Variants in SLC31A2 observed in about 807,000 individuals in gnomAD.
SLC31A2 encodes protein SLC31A2.
Under a neutral mutation model 14.4 loss-of-function variants are expected in SLC31A2, and 16 were observed. The ratio of observed to expected loss-of-function variants is 1.11; its 90% CI spans 0.75 to 1.69. The LOEUF is 1.69. Among genes scored for constraint, SLC31A2 ranks in the 40% most tolerant of loss-of-function variants. The probability of loss-of-function intolerance (pLI) is 0.00; values close to 1 mark genes in which losing one functional copy is unlikely to be tolerated. For synonymous variants in SLC31A2, 56 were observed against 68.7 expected, an observed-to-expected ratio of 0.82 and a Z score of 0.91; for missense variants, 140 against 173.9, an observed-to-expected ratio of 0.81 and a Z score of 1.10.
Position 113,151,529 on chromosome 9 carries a change from C to A in SLC31A2, c.6+449C>A. On this transcript the variant is annotated intron_variant, in intron 1 of 3. Transcript: ENST00000259392. The surrounding 1 kb of genome is among the most constrained non-coding windows in gnomAD (Gnocchi z 4.2). Reference sequence around the variant, plus strand: ...GCGCACACCGAGCGCACATCCCCGGCCCTGCTCTTGTCAAGTTTGTAGCCT... The same window carrying A: ...GCGCACACCGAGCGCACATCCCCGGACCTGCTCTTGTCAAGTTTGTAGCCT... The A allele has an allele frequency of 5.9e-6, 1 of 169,028 alleles. No homozygotes were observed. The highest frequency in any genetic ancestry group is 1.3e-5 in the Non-Finnish European group (1 of 79,552). 10.5% of individuals were successfully genotyped at this position (169,028 alleles called of 1,614,324 possible).
chr9:113,153,790 G>C (rs2118825177), intron 1 of SLC31A2, among the ~76,000 whole-genome samples: 1 of 152,314 alleles, frequency 6.6e-6, no homozygotes, highest in South Asian at 2.1e-4. Context: ...GGTAGGCGCA[G>C]GCAGGGGTTG....
At chr9:113,153,325 G>A (rs756567431) in intron 1 of SLC31A2, among the ~76,000 whole-genome samples, 7 of 151,922 alleles carry the variant, frequency 4.6e-5, no homozygotes, top group African/African-American at 1.2e-4. Context: ...TGATGTGACC[G>A]CCTAGATTTC....
chr9:113,162,628 A>G (rs1830032090), intron 3 of SLC31A2, 121 bp from the exon 4 acceptor site: 2 of 911,718 alleles, frequency 2.2e-6, no homozygotes, highest in East Asian at 5.2e-5. Flanking sequence ...TGGGTTAAGC[A>G]TACAAGTTAT....
chr9:113,158,649 A>G (rs1216709809), intron 2 of SLC31A2, among the ~76,000 whole-genome samples: 1 of 152,194 alleles, frequency 6.6e-6, no homozygotes, highest in Non-Finnish European at 1.5e-5. Context: ...TACATGTGGC[A>G]TCTCCTATGG....
chr9:113,156,540 GAT>G (rs1190869206), intron 1 of SLC31A2, among the ~76,000 whole-genome samples: 8 of 152,218 alleles, frequency 5.3e-5, no homozygotes, highest in Non-Finnish European at 1.0e-4. Context: ...GAGATTCAAG[GAT>G]TCTAATATTT....
intron 1 of SLC31A2, among the ~76,000 whole-genome samples, chr9:113,156,351 G>A (rs1316737301): frequency 2.0e-5 from 3 of 152,080 alleles, no homozygotes; most frequent in East Asian, 3.9e-4. Flanking sequence ...ACTCAAGTTG[G>A]GCCAGATCAG....
chr9:113,153,552 G>A (rs1252312179), intron 1 of SLC31A2, among the ~76,000 whole-genome samples: 4 of 152,202 alleles, frequency 2.6e-5, no homozygotes, highest in African/African-American at 9.7e-5. Flanking sequence ...TGACCATGGG[G>A]AGATAAGTGG....
intron 2 of SLC31A2, among the ~76,000 whole-genome samples, chr9:113,158,470 CTG>C (rs1162755374): frequency 1.8e-4 from 28 of 152,174 alleles, no homozygotes. Flanking sequence ...TCTCAAGGTT[CTG>C]TGAGTTGACT....
intron 3 of SLC31A2, 68 bp downstream of exon 3, chr9:113,161,766 A>G (rs1830017624): frequency 6.5e-7 from 1 of 1,542,872 alleles, no homozygotes; most frequent in African/African-American, 1.4e-5. Flanking sequence ...GCTGGCCCAG[A>G]CAGCATTAGC....
At chr9:113,160,433 T>A (rs962776690) in intron 2 of SLC31A2, among the ~76,000 whole-genome samples, 2 of 152,216 alleles carry the variant, frequency 1.3e-5, no homozygotes, top group Non-Finnish European at 2.9e-5. Flanking sequence ...ATATACAATA[T>A]GTAATGATCC....
intron 1 of SLC31A2, among the ~76,000 whole-genome samples, chr9:113,154,415 C>T (rs1829907939): frequency 1.3e-5 from 2 of 152,170 alleles, no homozygotes; most frequent in East Asian, 1.9e-4. Flanking sequence ...CTTTAGAGAC[C>T]GTGCCCCTAA....
Position 113,151,222 on chromosome 9 carries a change from C to G in SLC31A2, c.6+142C>G. On this transcript the variant is annotated intron_variant, in intron 1 of 3. Transcript: ENST00000259392. This position sits in a 1 kb window ranked among gnomAD's most constrained non-coding sequence, Gnocchi z 4.2. ...TTGGCAGCATTGCCAACAGCTGGAA[C>G]AGGGTTGGGGGACGCGGCAGGTATA... 1.1e-6 allele frequency: 1 copy of G among 885,622 alleles called. No individual in the cohort carries two copies. The highest frequency in any genetic ancestry group is 1.5e-6 in the Non-Finnish European group (1 of 657,526). 54.9% of individuals were successfully genotyped at this position (885,622 alleles called of 1,614,324 possible).
At chr9:113,161,840 A>T in intron 3 of SLC31A2, 142 bp downstream of exon 3, 5 of 875,588 alleles carry the variant, frequency 5.7e-6, no homozygotes, top group Non-Finnish European at 9.3e-6. Flanking sequence ...GTGGCTACAC[A>T]TAGCCAAGTG....
chr9:113,157,413 G>A lies in SLC31A2; in HGVS notation c.7-314G>A, dbSNP rs144279481. On this transcript the variant is annotated intron_variant, in intron 1 of 3. Coordinates refer to ENST00000259392, the MANE Select transcript of SLC31A2 (RefSeq NM_001860.3). ...AAGAAGAGGCAGTTGCACTTGGAAG[G>A]CATGGAGGGGACATCCCCACATAGT... Among the ~76,000 whole-genome samples the A allele has an allele frequency of 1.5e-3, 224 of 152,310 alleles. 3 individuals are homozygous for A. The highest frequency in any genetic ancestry group is 5.1e-3 in the African/African-American group (212 of 41,554).
rs957309959 is a variant in SLC31A2 at position 113,162,974 on chromosome 9, AC to A, written c.*58del. On this transcript the variant is annotated 3_prime_UTR_variant, in exon 4 of 4. Transcript: ENST00000259392. ...AGGGACATGGAGCCCCCTCTTCCAG[AC>A]ACTATACTTCCAACTGCCCTTTCTT... 5.8e-5 allele frequency: 84 copies of A among 1,449,806 alleles called. No individual in the cohort carries two copies. In the African/African-American group the frequency reaches 1.2e-3, roughly 20 times the overall value. 89.8% of individuals were successfully genotyped at this position (1,449,806 alleles called of 1,614,324 possible).
chr9:113,161,320 T>C, intron 2 of SLC31A2, 189 bp from the exon 3 acceptor site: 3 of 600,290 alleles, frequency 5.0e-6, no homozygotes, highest in East Asian at 2.9e-5. Context: ...CTTCTCTTCC[T>C]GATCTCAAAG....
At position 113,163,419 on chromosome 9, in the gene SLC31A2, T is replaced by G. The variant is rs1830048840; in HGVS notation, c.*502T>G. ...GATCCTTTTTCTCACCTTTCTGCCT[T>G]TGGAACACATGAAGATCATCTCGTC... On this transcript the variant is annotated 3_prime_UTR_variant, in exon 4 of 4. Coordinates refer to ENST00000259392, the MANE Select transcript of SLC31A2 (RefSeq NM_001860.3). The G allele has an allele frequency of 6.5e-6, 1 of 152,822 alleles. No homozygotes were observed. Among genetic ancestry groups the G allele is most frequent in the Non-Finnish European group, 1.5e-5 (1 of 68,170 alleles). 9.5% of individuals were successfully genotyped at this position (152,822 alleles called of 1,614,324 possible). A position where few individuals can be genotyped will look rare whatever the true frequency, so the allele number is the denominator to read the frequency against.
intron 3 of SLC31A2, 200 bp from the exon 4 acceptor site, chr9:113,162,549 G>C (rs750475131): frequency 4.6e-6 from 2 of 437,442 alleles, no homozygotes; most frequent in Admixed American, 5.5e-5. Flanking sequence ...GTGAAGATAT[G>C]TCTCTTTAAA....
chr9:113,153,534 T>A (rs1047375796), intron 1 of SLC31A2, among the ~76,000 whole-genome samples: 1 of 152,212 alleles, frequency 6.6e-6, no homozygotes, highest in Non-Finnish European at 1.5e-5. Flanking sequence ...GGGTACCTGA[T>A]TGCCGAGTGA....
Sources: allele counts gnomAD v4.1 joint callset (sites outside exome capture counted in the v4.1 genomes callset), GRCh38; gene constraint gnomAD v4.1.1; non-coding constraint Gnocchi (gnomAD v3.1); transcripts MANE v1.5; gene names NCBI Gene and HGNC (gene_info 2026-07-23, HGNC 2026-07-21).